Variants in POLN observed in about 807,000 individuals in gnomAD.
POLN encodes the protein DNA polymerase N.
A neutral mutation model predicts 113.5 loss-of-function variants in POLN; 108 were observed. The observed-to-expected ratio is 0.95, with a 90% CI of 0.81 to 1.12. POLN has a LOEUF of 1.12. Among genes scored for constraint, POLN ranks in the 50% most tolerant of loss-of-function variants. The pLI is 0.00. For synonymous variants in POLN, 386 were observed against 391.5 expected (o/e 0.99, Z 0.17); for missense variants, 1,097 against 1,077.1 (o/e 1.02, Z -0.26).
intron 3 of POLN, chr4:2,228,261 C>A (rs28440914): frequency 0.022 from 2,289 of 105,828 alleles, 62 homozygotes; most frequent in African/African-American, 0.1. Flanking sequence ...AAAAAAAAAA[C>A]ACCAACAAAA....
intron 4 of POLN, among the ~76,000 whole-genome samples, chr4:2,210,624 T>A (rs1377154005): frequency 4.0e-5 from 5 of 126,130 alleles, no homozygotes; most frequent in African/African-American, 1.7e-4. Context: ...ATAATAATAA[T>A]AATAATAAAA....
chr4:2,155,088 A>G (rs1176782795), intron 16 of POLN, among the ~76,000 whole-genome samples: 1 of 152,250 alleles, frequency 6.6e-6, no homozygotes, highest in Non-Finnish European at 1.5e-5. Context: ...ATAACTGCAT[A>G]AAAACAAAAG....
Position 2,073,273 on chromosome 4 carries a change from A to G in POLN, c.2456-244T>C, listed in dbSNP as rs561268521. The stretch of plus-strand genomic sequence containing the variant: ...ATCCACAGTCCAGGATGCCTCTCGC[A>G]GGCCCCTTGGCCCTCGCTGCAGCCC... On this transcript the variant is annotated intron_variant, in intron 24 of 25. Coordinates refer to ENST00000511885, the MANE Select transcript of POLN (RefSeq NM_181808.4). Among the ~76,000 whole-genome samples the G allele has an allele frequency of 2.0e-5, 3 of 152,130 alleles. No homozygotes were observed. In the South Asian group the frequency reaches 6.2e-4, roughly 31 times the overall value.
chr4:2,193,249 T>C lies in POLN; in HGVS notation c.976A>G (p.Arg326Gly). The change falls in exon 7 of 26, where the codon AGA becomes GGA. Residue 326 changes from arginine (R) to glycine (G), a missense_variant. Coordinates refer to ENST00000511885, the MANE Select transcript of POLN (RefSeq NM_181808.4). Reference sequence around the variant, plus strand: ...TTGCCAAAAAACTGCAGCACTATTCTCACAAAATCCTTAGCATTAAAACAA... The same window carrying C: ...TTGCCAAAAAACTGCAGCACTATTCCCACAAAATCCTTAGCATTAAAACAA... Reference protein sequence around the residue: ...VICFNAKDFVRIVLQFFGNDG... With the variant: ...VICFNAKDFVGIVLQFFGNDG... The C allele has an allele frequency of 6.2e-7, 1 of 1,611,068 alleles. No homozygotes were observed. The highest frequency in any genetic ancestry group is 8.5e-7 in the Non-Finnish European group (1 of 1,178,652).
intron 24 of POLN, among the ~76,000 whole-genome samples, chr4:2,074,056 C>CTCAT (rs1730218607): frequency 1.3e-5 from 2 of 152,246 alleles, no homozygotes; most frequent in Admixed American, 1.3e-4. Context: ...CCATTGGCTC[C>CTCAT]TCATGCTGGC....
chr4:2,127,836 G>A lies in POLN; in HGVS notation c.1982+277C>T, dbSNP rs184985507. Reference sequence around the variant, plus strand: ...CGGGCTCGCTCTTTCCGTGGTGCTCGCCTGCAGGGCGCGGGACTCGCTGGT... The same window carrying A: ...CGGGCTCGCTCTTTCCGTGGTGCTCACCTGCAGGGCGCGGGACTCGCTGGT... On this transcript the variant is annotated intron_variant, in intron 19 of 25. Transcript: ENST00000511885. This position sits in a 1 kb window ranked among gnomAD's most constrained non-coding sequence, Gnocchi z 4.7. 9.2e-5 allele frequency among the ~76,000 whole-genome samples: 14 copies of A among 152,358 alleles called. No individual in the cohort carries two copies. The highest frequency in any genetic ancestry group is 1.9e-4 in the East Asian group (1 of 5,182).
intron 16 of POLN, among the ~76,000 whole-genome samples, chr4:2,144,302 G>T (rs894093710): frequency 1.4e-4 from 21 of 151,610 alleles, no homozygotes; most frequent in African/African-American, 5.1e-4. Context: ...GTGCCACCAT[G>T]CCCAGCTAAT....
Position 2,095,878 on chromosome 4 carries a change from C to T in POLN, c.2038G>A (p.Val680Met). 7 of 1,614,186 alleles carry T rather than the reference C, an allele frequency of 4.3e-6. No homozygotes were observed. Among genetic ancestry groups the T allele is most frequent in the Non-Finnish European group, 5.9e-6 (7 of 1,180,042 alleles). The change falls in exon 20 of 26, where the codon GTG becomes ATG. Residue 680 changes from valine to methionine, a missense_variant. Val to Met is a conservative substitution (Grantham distance 21). Coordinates refer to ENST00000511885, the MANE Select transcript of POLN (RefSeq NM_181808.4). ...THADREQTKK[V>M]VYAVVYGAGK... Reference sequence around the variant, plus strand: ...GCTCCATAGACCACCGCGTACACCACCTTCTTGGTTTGCTCTCTGTCTGCG... The same window carrying T: ...GCTCCATAGACCACCGCGTACACCATCTTCTTGGTTTGCTCTCTGTCTGCG...
chr4:2,081,345 A>G (rs982085689), intron 22 of POLN: 3 of 694,950 alleles, frequency 4.3e-6, no homozygotes, highest in Non-Finnish European at 7.1e-6. Context: ...AGGTCTCCTA[A>G]ACCATAGAAG....
intron 7 of POLN, among the ~76,000 whole-genome samples, chr4:2,183,547 G>C (rs1186478960): frequency 6.6e-6 from 1 of 152,202 alleles, no homozygotes; most frequent in Non-Finnish European, 1.5e-5. Flanking sequence ...CAGGCTAAAT[G>C]AAATAAGCTA....
chr4:2,078,188 G>A (rs1043799822), intron 23 of POLN, among the ~76,000 whole-genome samples: 3 of 152,236 alleles, frequency 2.0e-5, no homozygotes, highest in South Asian at 4.1e-4. Flanking sequence ...GGGAGGGACC[G>A]TCACAGCACT....
chr4:2,156,835 A>T lies in POLN; in HGVS notation c.1684T>A (p.Trp562Arg). The T allele has an allele frequency of 6.2e-7, 1 of 1,612,644 alleles. No homozygotes were observed. The highest frequency in any genetic ancestry group is 1.1e-5 in the South Asian group (1 of 91,050). Reference protein sequence around the residue: ...CMKKGSISSTWNQTGTVTGRL... With the variant: ...CMKKGSISSTRNQTGTVTGRL... ...CCAGTCACAGTTCCAGTCTGATTCC[A>T]TGTAGAGGAAATGGAGCCCTTTATT... is the stretch of plus-strand genomic sequence containing the variant. Residue 562 changes from tryptophan (W) to arginine (R), a missense_variant, in exon 16 of 26, where the codon TGG (tryptophan) becomes AGG (arginine). Coordinates refer to ENST00000511885, the MANE Select transcript of POLN (RefSeq NM_181808.4).
intron 16 of POLN, among the ~76,000 whole-genome samples, chr4:2,137,681 A>G (rs1731892919): frequency 6.6e-6 from 1 of 151,924 alleles, no homozygotes; most frequent in African/African-American, 2.4e-5. Flanking sequence ...AACCTCTTGA[A>G]CACTGCTTTC....
chr4:2,138,918 G>A lies in POLN; in HGVS notation c.1732-7628C>T, dbSNP rs540829685. Among the ~76,000 whole-genome samples, 296 of 150,206 alleles carry A rather than the reference G, an allele frequency of 2.0e-3. 3 individuals are homozygous for A. Among genetic ancestry groups the A allele is most frequent in the South Asian group, 0.019 (91 of 4,766 alleles). On this transcript the variant is annotated intron_variant, in intron 16 of 25. Transcript: ENST00000511885. ...CAAAAAAAAAGAAAAGAAAAGAAAAGAAAAAGGTGAAATCACTGTGCCTTT... is the reference window on the plus strand; with the variant it reads ...CAAAAAAAAAGAAAAGAAAAGAAAAAAAAAAGGTGAAATCACTGTGCCTTT...
chr4:2,112,454 C>G (rs756262580), intron 19 of POLN, among the ~76,000 whole-genome samples: 8 of 152,020 alleles, frequency 5.3e-5, no homozygotes, highest in Middle Eastern at 3.4e-3. Flanking sequence ...AGGCAACCTA[C>G]AGAATGGGAG....
At chr4:2,080,276 C>T in intron 23 of POLN, 2 of 987,906 alleles carry the variant, frequency 2.0e-6, no homozygotes, top group Non-Finnish European at 1.2e-6. Flanking sequence ...CCCCTGGCCA[C>T]CCACACTCTT....
intron 21 of POLN, chr4:2,082,587 G>C (rs1175447614): frequency 6.6e-6 from 1 of 152,190 alleles, no homozygotes; most frequent in Non-Finnish European, 1.5e-5. Flanking sequence ...AACTAGGTGT[G>C]GGTGGGAAAT....
chr4:2,240,516 GCTT>G (rs755784281), intron 2 of POLN: 23 of 1,613,642 alleles, frequency 1.4e-5, no homozygotes, highest in African/African-American at 6.7e-5. Flanking sequence ...CTTTTTAGTG[GCTT>G]CTTCTTCTTT....
At chr4:2,165,904 A>G (rs1476148968) in intron 13 of POLN, among the ~76,000 whole-genome samples, 1 of 152,056 alleles carries the variant, frequency 6.6e-6, no homozygotes, top group African/African-American at 2.4e-5. Context: ...AGCCTCACGA[A>G]TAGCTGGGAC....
Sources: gnomAD v4.1 joint callset for allele counts (sites outside exome capture counted in the v4.1 genomes callset) on GRCh38, gnomAD v4.1.1 for gene constraint, Gnocchi (gnomAD v3.1) non-coding constraint, MANE v1.5 for transcripts, NCBI Gene and HGNC (gene_info 2026-07-23, HGNC 2026-07-21) for gene names.